RIN3: variants seen among roughly 807,000 people sequenced by gnomAD.
The protein encoded by RIN3 is RAB5 interacting protein 3.
A neutral mutation model predicts 76.3 loss-of-function variants in RIN3; 54 were observed. The observed-to-expected ratio is 0.71, with a 90% confidence interval of 0.57 to 0.89. The LOEUF (loss-of-function observed/expected upper bound fraction) is 0.89. RIN3 is among the 40% of genes least tolerant of loss of function. The pLI, the probability that RIN3 is intolerant of heterozygous loss-of-function variation, is 0.00. For missense variants in RIN3, 1,256 were observed against 1,322.1 expected, an observed-to-expected ratio of 0.95 and a Z score of 0.78; for synonymous variants, 576 against 564.0, an observed-to-expected ratio of 1.02 and a Z score of -0.30.
At chr14:92,677,141 C>A (rs1888496264) in intron 8 of RIN3, among the ~76,000 whole-genome samples, 2 of 152,168 alleles carry the variant, frequency 1.3e-5, no homozygotes, top group South Asian at 4.1e-4. Flanking sequence ...TGGGTCAGGA[C>A]CTCCATCAGT....
chr14:92,644,800 C>G (rs1887139738), intron 5 of RIN3: 1 of 152,214 alleles, frequency 6.6e-6, no homozygotes, highest in Non-Finnish European at 1.5e-5. Context: ...AGACCTTGGC[C>G]CTGGCATGGG....
At chr14:92,565,561 GAA>G (rs1176739481) in intron 2 of RIN3, among the ~76,000 whole-genome samples, 2 of 152,174 alleles carry the variant, frequency 1.3e-5, no homozygotes, top group African/African-American at 4.8e-5. Flanking sequence ...AGTTTTCTGG[GAA>G]AGGGGTAGGC....
chr14:92,608,278 G>A (rs1691490521), intron 3 of RIN3, among the ~76,000 whole-genome samples: 1 of 151,180 alleles, frequency 6.6e-6, no homozygotes, highest in African/African-American at 2.4e-5. Context: ...GGAACTGGGT[G>A]AAGGGTACAC....
chr14:92,574,540 G>A (rs1738361780), intron 2 of RIN3, among the ~76,000 whole-genome samples: 1 of 152,148 alleles, frequency 6.6e-6, no homozygotes, highest in African/African-American at 2.4e-5. Context: ...TGCCGCTTGA[G>A]TTTTCAGGCT....
At chr14:92,615,568 G>GT in intron 4 of RIN3, 89 bp downstream of exon 4, 6 of 1,103,454 alleles carry the variant, frequency 5.4e-6, no homozygotes, top group Non-Finnish European at 8.3e-6. Context: ...TCACAGGGAA[G>GT]CCCCAGAGGG....
intron 3 of RIN3, among the ~76,000 whole-genome samples, chr14:92,611,320 T>C (rs943494782): frequency 1.4e-4 from 21 of 152,108 alleles, no homozygotes; most frequent in African/African-American, 4.8e-4. Flanking sequence ...AGAGTCTCGC[T>C]CTATCCCCCA....
At chr14:92,604,173 G>A (rs1015231796) in intron 3 of RIN3, among the ~76,000 whole-genome samples, 6 of 152,230 alleles carry the variant, frequency 3.9e-5, no homozygotes, top group Non-Finnish European at 8.8e-5. Flanking sequence ...GGAAGAGTGG[G>A]CATGGCCCTG....
At chr14:92,517,707 A>G (rs10150697) in intron 1 of RIN3, among the ~76,000 whole-genome samples, 64,789 of 152,054 alleles carry the variant, frequency 0.43, 15,750 homozygotes, top group Middle Eastern at 0.63. Flanking sequence ...GCCCACCAGG[A>G]GTGTCTGAAA....
chr14:92,592,677 ATTATTATTATTATTG>A (rs1003185616), intron 3 of RIN3, among the ~76,000 whole-genome samples: 8 of 131,510 alleles, frequency 6.1e-5, no homozygotes, highest in African/African-American at 2.1e-4. Context: ...TATTATTATT[ATTATTATTATTATTG>A]TGAGACAGAG....
At chr14:92,667,987 T>A (rs189814053) in intron 7 of RIN3, among the ~76,000 whole-genome samples, 2 of 152,322 alleles carry the variant, frequency 1.3e-5, no homozygotes, top group East Asian at 3.9e-4. Context: ...TAAGATGTCA[T>A]GTTCTGAGGC....
chr14:92,599,989 G>A (rs756333017), intron 3 of RIN3, among the ~76,000 whole-genome samples: 2 of 152,154 alleles, frequency 1.3e-5, no homozygotes, highest in Non-Finnish European at 2.9e-5. Flanking sequence ...TCTCTTTGCA[G>A]CCACAGTGAT....
intron 7 of RIN3, among the ~76,000 whole-genome samples, chr14:92,660,200 C>G (rs975109804): frequency 9.9e-5 from 15 of 152,228 alleles, no homozygotes; most frequent in African/African-American, 3.1e-4. Context: ...GTCCATGGGG[C>G]ATGGACAAGT....
chr14:92,672,133 C>A (rs182040129), intron 7 of RIN3, among the ~76,000 whole-genome samples: 2 of 152,030 alleles, frequency 1.3e-5, no homozygotes, highest in African/African-American at 4.8e-5. Flanking sequence ...GCCGGGCGTG[C>A]GGCGGCTTAC....
intron 7 of RIN3, among the ~76,000 whole-genome samples, chr14:92,673,244 G>C (rs1274094740): frequency 6.6e-6 from 1 of 152,016 alleles, no homozygotes; most frequent in East Asian, 1.9e-4. Context: ...CTTTTCCATG[G>C]TGTGCATGCA....
chr14:92,546,863 T>C (rs1015582862), intron 1 of RIN3, among the ~76,000 whole-genome samples: 5 of 151,862 alleles, frequency 3.3e-5, no homozygotes, highest in Admixed American at 3.3e-4. Flanking sequence ...CTGGGAGAGA[T>C]AGGGCATGAC....
At chr14:92,535,604 C>A (rs1203697818) in intron 1 of RIN3, among the ~76,000 whole-genome samples, 1 of 149,070 alleles carries the variant, frequency 6.7e-6, no homozygotes, top group Admixed American at 6.7e-5. Flanking sequence ...TCTTTACTTT[C>A]TTCTAGAAGC....
intron 8 of RIN3, 108 bp downstream of exon 8, chr14:92,676,714 CTGAGCTCTGG>C: frequency 8.1e-7 from 1 of 1,236,428 alleles, no homozygotes; most frequent in Non-Finnish European, 1.1e-6. Context: ...CAGACTCTGG[CTGAGCTCTGG>C]ACCCATGGAT....
At chr14:92,547,631 A>G (rs1897320345) in intron 1 of RIN3, among the ~76,000 whole-genome samples, 1 of 151,942 alleles carries the variant, frequency 6.6e-6, no homozygotes, top group Non-Finnish European at 1.5e-5. Flanking sequence ...CCTCAACTGT[A>G]GCAGTCCTCC....
intron 1 of RIN3, among the ~76,000 whole-genome samples, chr14:92,522,511 C>G (rs1027051865): frequency 6.6e-6 from 1 of 152,152 alleles, no homozygotes; most frequent in African/African-American, 2.4e-5. Context: ...TTCCTGTGTG[C>G]TGTGTTGTGG....
Sources: gnomAD v4.1 joint callset for allele counts (sites outside exome capture counted in the v4.1 genomes callset) on GRCh38, gnomAD v4.1.1 for gene constraint, MANE v1.5 for transcripts, NCBI Gene and HGNC (gene_info 2026-07-23, HGNC 2026-07-21) for gene names.